The following IPP variants were observed in gnomAD, a reference collection of about 807,000 sequenced individuals.
IPP encodes the protein actin-binding protein IPP.
Under a neutral mutation model 64.1 loss-of-function variants are expected in IPP, and 41 were observed. That is an observed-to-expected ratio of 0.64 (90% CI 0.50 to 0.83). IPP has a LOEUF of 0.83. Ranked by LOEUF, IPP falls within the 40% of genes least tolerant of loss-of-function variation. The pLI is 0.00. For synonymous variants in IPP, 214 were observed against 235.2 expected (o/e 0.91, Z 0.83); for missense variants, 649 against 703.0 (o/e 0.92, Z 0.87).
chr1:45,720,556 G>A (rs911035773), intron 5 of IPP, among the ~76,000 whole-genome samples: 1 of 152,088 alleles, frequency 6.6e-6, no homozygotes, highest in Non-Finnish European at 1.5e-5. Context: ...AGTACAAAGG[G>A]CCTAGAAGAG....
In IPP at chr1:45,714,260, A is replaced by G. The variant is rs1557742857; in HGVS notation, c.1516T>C (p.Tyr506His). The change falls in exon 8 of 9, where the codon TAT becomes CAT. Residue 506 changes from tyrosine to histidine, a missense_variant. Coordinates refer to ENST00000396478, the MANE Select transcript of IPP (RefSeq NM_005897.3). ...TQDALHTVEKYSFEEEKWVEV... is the reference protein window; with the variant it reads ...TQDALHTVEKHSFEEEKWVEV... ...ATCCAACCTACCTCTTCAAAGGAAT[A>G]TTTTTCTACAGTATGAAGAGCATCT... 1.9e-6 allele frequency: 3 copies of G among 1,612,124 alleles called. No homozygotes were observed. The highest frequency in any genetic ancestry group is 1.7e-4 in the Middle Eastern group (1 of 6,058).
intron 7 of IPP, among the ~76,000 whole-genome samples, chr1:45,715,067 T>C (rs1645639134): frequency 6.6e-6 from 1 of 151,764 alleles, no homozygotes; most frequent in Non-Finnish European, 1.5e-5. Flanking sequence ...TGGTGGTGTG[T>C]GCCTGCAGTC....
chr1:45,699,208 A>G lies in IPP; in HGVS notation c.*758T>C. ...GGTATCTATCTATTAAAATAGCTAG[A>G]TATTTCCCAAACACCCCTCCTAGGA... On this transcript the variant is annotated 3_prime_UTR_variant, in exon 9 of 9. Coordinates refer to ENST00000396478, the MANE Select transcript of IPP (RefSeq NM_005897.3). The G allele has an allele frequency of 1.0e-6, 1 of 985,406 alleles. No individual in the cohort carries two copies. Among genetic ancestry groups the G allele is most frequent in the Non-Finnish European group, 1.2e-6 (1 of 829,912 alleles). The allele number at this position is 985,406 out of a possible 1,614,324, so 61.0% of individuals were successfully genotyped here.
chr1:45,727,266 T>A (rs577646529), intron 5 of IPP, among the ~76,000 whole-genome samples: 1 of 152,252 alleles, frequency 6.6e-6, no homozygotes, highest in South Asian at 2.1e-4. Flanking sequence ...CCCAGGCTGG[T>A]CTCAAACTCT....
intron 2 of IPP, among the ~76,000 whole-genome samples, chr1:45,744,834 T>C (rs1222299874): frequency 7.2e-6 from 1 of 139,758 alleles, no homozygotes; most frequent in African/African-American, 2.6e-5. Flanking sequence ...CGAGACTCTG[T>C]CTCAAAAAAA....
In IPP at chr1:45,719,298, T is replaced by A. The variant is rs767456577; in HGVS notation, c.1091A>T (p.Asp364Val). ...AGTTGTCCACTGTTTAGTAACTGGATCATAGCATTCAGTACAATCAAAAAT... is the reference window on the plus strand; with the variant it reads ...AGTTGTCCACTGTTTAGTAACTGGAACATAGCATTCAGTACAATCAAAAAT... ...SMIFDCTECY[D>V]PVTKQWTTVA... The change falls in exon 6 of 9, where the codon GAT (aspartate) becomes GTT (valine). Residue 364 changes from aspartate (D) to valine (V), a missense_variant. Asp to Val is a radical substitution (Grantham distance 152). Coordinates refer to ENST00000396478, the MANE Select transcript of IPP (RefSeq NM_005897.3). 6.2e-7 allele frequency: 1 copy of A among 1,610,802 alleles called. No homozygotes were observed.
At chr1:45,718,314 A>G (rs1645687398) in intron 6 of IPP, among the ~76,000 whole-genome samples, 1 of 152,206 alleles carries the variant, frequency 6.6e-6, no homozygotes, top group African/African-American at 2.4e-5. Flanking sequence ...TTTTATCTCC[A>G]GTAATACAAT....
At chr1:45,700,775 A>G (rs1282023081) in intron 8 of IPP, among the ~76,000 whole-genome samples, 1 of 152,254 alleles carries the variant, frequency 6.6e-6, no homozygotes, top group Non-Finnish European at 1.5e-5. Context: ...TCTAAGAAAC[A>G]AAGTCTATGG....
intron 8 of IPP, among the ~76,000 whole-genome samples, 158 bp from the exon 9 acceptor site, chr1:45,700,348 G>GT (rs1645436595): frequency 6.6e-6 from 1 of 150,604 alleles, no homozygotes; most frequent in Admixed American, 6.6e-5. Context: ...TTTTTGCTTT[G>GT]TTTTTTCCTT....
chr1:45,700,264 G>C, intron 8 of IPP, 74 bp from the exon 9 acceptor site: 1 of 1,515,122 alleles, frequency 6.6e-7, no homozygotes, highest in South Asian at 1.3e-5. Context: ...TGAGAAATTC[G>C]ATATCCCAGT....
downstream of IPP, chr1:45,694,605 TTA>T (rs1437953749): frequency 1.4e-6 from 1 of 702,944 alleles, no homozygotes; most frequent in Admixed American, 2.4e-5. Flanking sequence ...TATAACCCAA[TTA>T]TATGAGCTAA....
chr1:45,716,969 G>A lies in IPP; in HGVS notation c.1235C>T (p.Pro412Leu). ...AACTACTTCCCATTTATTTTCATCA[G>A]GATCAAATCGTTCAATGGTGTTCCC... ...EIGNTIERFD[P>L]DENKWEVVGN... The change falls in exon 7 of 9, where the codon CCT becomes CTT. Residue 412 changes from proline to leucine, a missense_variant. Transcript: ENST00000396478. 6.2e-7 allele frequency: 1 copy of A among 1,612,954 alleles called. No homozygotes were observed. The highest frequency in any genetic ancestry group is 8.5e-7 in the Non-Finnish European group (1 of 1,179,230).
chr1:45,724,734 T>G (rs1645786781), intron 5 of IPP, among the ~76,000 whole-genome samples: 1 of 149,698 alleles, frequency 6.7e-6, no homozygotes, highest in Non-Finnish European at 1.5e-5. Context: ...GAGGAAACCC[T>G]CTGCCTGGCA....
rs915180729 is a variant in IPP at position 45,700,146 on chromosome 1, G to T, written c.1575C>A (p.Gly525=). 1 of 1,613,570 alleles carries T rather than the reference G, an allele frequency of 6.2e-7. No homozygotes were observed. The highest frequency in any genetic ancestry group is 1.3e-5 in the African/African-American group (1 of 74,760). Residue 525 remains glycine, a synonymous_variant, in exon 9 of 9, where the codon GGC becomes GGA. Transcript: ENST00000396478. ...EVASMKVPRA[G]MCVVAVNGLL... is the part of the protein sequence containing the mutation. ...GACCATTGACTGCCACAACACACAT[G>T]CCTGCTCTAGGCACTTTCATTGAGG...
At chr1:45,745,999 G>C in intron 2 of IPP, 121 bp downstream of exon 2, 1 of 793,984 alleles carries the variant, frequency 1.3e-6, no homozygotes, top group Non-Finnish European at 1.9e-6. Flanking sequence ...TGAATTTTCA[G>C]TCACATAATA....
At position 45,734,689 on chromosome 1, in the gene IPP, G is replaced by A. The variant is rs774529813; in HGVS notation, c.725-4920C>T. On this transcript the variant is annotated intron_variant, in intron 3 of 8. Coordinates refer to ENST00000396478, the MANE Select transcript of IPP (RefSeq NM_005897.3). ...GGCTGGAGCGCAGTGGTGAGATCTC[G>A]GCTCACTGCAACCTCTGCCTCCTGG... Among the ~76,000 whole-genome samples the A allele has an allele frequency of 3.3e-5, 5 of 151,604 alleles. No individual in the cohort carries two copies. The South Asian group carries it at 8.3e-4, about 25-fold the overall frequency.
At chr1:45,701,141 A>C (rs1258376456) in intron 8 of IPP, among the ~76,000 whole-genome samples, 1 of 152,268 alleles carries the variant, frequency 6.6e-6, no homozygotes, top group Non-Finnish European at 1.5e-5. Flanking sequence ...CATATATCAA[A>C]AAAGGATATT....
intron 1 of IPP, 37 bp from the exon 2 acceptor site, chr1:45,746,498 T>A (rs562190676): frequency 1.0e-5 from 10 of 1,000,044 alleles, no homozygotes; most frequent in African/African-American, 3.2e-5. Context: ...AGCAACAAAA[T>A]TTTTTTAACA....
chr1:45,721,797 A>G (rs28406914), intron 5 of IPP, among the ~76,000 whole-genome samples: 1 of 152,094 alleles, frequency 6.6e-6, no homozygotes, highest in African/African-American at 2.4e-5. Context: ...CGTGGTGGCT[A>G]ACGCCTGTAA....
Sources: gnomAD v4.1 joint callset for allele counts (sites outside exome capture counted in the v4.1 genomes callset) on GRCh38, gnomAD v4.1.1 for gene constraint, MANE v1.5 for transcripts, NCBI Gene and HGNC (gene_info 2026-07-23, HGNC 2026-07-21) for gene names.